Variants in P2RX7 observed in about 807,000 individuals in gnomAD.
The protein encoded by P2RX7 is purinergic receptor P2X 7, also known as P2X purinoceptor 7.
In P2RX7, 62 loss-of-function variants were observed where a neutral mutation model predicts 71.6. The ratio of observed to expected loss-of-function variants is 0.87; its 90% CI spans 0.71 to 1.07. The LOEUF is 1.07. P2RX7 is among the 50% of genes least tolerant of loss of function. The pLI is 0.00. For synonymous variants in P2RX7, 299 were observed against 283.3 expected, an observed-to-expected ratio of 1.06 and a Z score of -0.56; for missense variants, 686 against 748.5, an observed-to-expected ratio of 0.92 and a Z score of 0.97.
At chr12:121,163,360 A>ACACG (rs1555226399) in intron 5 of P2RX7, among the ~76,000 whole-genome samples, 1 of 144,258 alleles carries the variant, frequency 6.9e-6, no homozygotes, top group Non-Finnish European at 1.5e-5. Flanking sequence ...ACACACACGC[A>ACACG]CACACACACA....
At chr12:121,178,859 G>A (rs1593147494) in intron 11 of P2RX7, among the ~76,000 whole-genome samples, 1 of 137,556 alleles carries the variant, frequency 7.3e-6, no homozygotes, top group African/African-American at 2.7e-5. Context: ...TTTGTTAAAA[G>A]AAAAAAAGCA....
chr12:121,168,602 G>T (rs1653610), intron 8 of P2RX7, among the ~76,000 whole-genome samples: 1 of 151,946 alleles, frequency 6.6e-6, no homozygotes, highest in African/African-American at 2.4e-5. Context: ...AGCACTCCCC[G>T]TCGCCATCCC....
intron 1 of P2RX7, among the ~76,000 whole-genome samples, chr12:121,134,752 T>C (rs769837240): frequency 1.3e-5 from 2 of 151,986 alleles, no homozygotes; most frequent in Non-Finnish European, 2.9e-5. Context: ...TTCATTGTGG[T>C]TGTGATTTGA....
intron 1 of P2RX7, among the ~76,000 whole-genome samples, chr12:121,150,332 A>T (rs1440038431): frequency 6.6e-6 from 1 of 152,228 alleles, no homozygotes. Context: ...CTGATCGATC[A>T]TATGTTGCAC....
chr12:121,141,594 T>A lies in P2RX7; in HGVS notation c.125+8499T>A, dbSNP rs2135991137. 2.0e-5 allele frequency among the ~76,000 whole-genome samples: 3 copies of A among 152,324 alleles called. No homozygotes were observed. The South Asian group carries it at 6.2e-4, about 32-fold the overall frequency. ...GAGAGCTGTCCCCCAGCCCCCAGCA[T>A]CTTATTAGAAAATATTGAAACATAA... On this transcript the variant is annotated intron_variant, in intron 1 of 12. Coordinates refer to ENST00000328963, the MANE Select transcript of P2RX7 (RefSeq NM_002562.6).
rs200169969 is a variant in P2RX7, at chr12:121,175,445, C to G, written c.939C>G (p.Phe313Leu). ...AGAAACGGACTCTGATAAAAGTCTT[C>G]GGGATCCGTTTTGACATCCTGGTTT... ...NVEKRTLIKVFGIRFDILVFG... is the reference protein window; with the variant it reads ...NVEKRTLIKVLGIRFDILVFG... Residue 313 changes from phenylalanine to leucine, a missense_variant, in exon 9 of 13, where the codon TTC becomes TTG. Phe to Leu is a conservative substitution (Grantham distance 22). Coordinates refer to ENST00000328963, the MANE Select transcript of P2RX7 (RefSeq NM_002562.6). The G allele has an allele frequency of 1.3e-6, 2 of 1,580,290 alleles. No individual in the cohort carries two copies. The highest frequency in any genetic ancestry group is 4.5e-5 in the East Asian group (2 of 44,726).
intron 1 of P2RX7, among the ~76,000 whole-genome samples, chr12:121,141,110 G>C (rs997128636): frequency 4.6e-5 from 7 of 152,124 alleles, no homozygotes. Flanking sequence ...CATAAATAAA[G>C]GATATCAGGC....
In P2RX7 at chr12:121,149,541, TACTC is replaced by T. The variant is rs1876964946; in HGVS notation, c.126-5240_126-5237del. 6.6e-6 allele frequency among the ~76,000 whole-genome samples: 1 copy of T among 152,116 alleles called. No individual in the cohort carries two copies. Among genetic ancestry groups the T allele is most frequent in the South Asian group, 2.1e-4 (1 of 4,814 alleles). ...TAAAACCATCAGATCCCATGAGACT[TACTC>T]ACTATCACGAGAACAGTATGGGGGA... On this transcript the variant is annotated intron_variant, in intron 1 of 12. Coordinates refer to ENST00000328963, the MANE Select transcript of P2RX7 (RefSeq NM_002562.6). The surrounding 1 kb of genome is among the most constrained non-coding windows in gnomAD (Gnocchi z 4.7).
chr12:121,164,808 A>G (rs1204928512), intron 5 of P2RX7, among the ~76,000 whole-genome samples: 1 of 152,048 alleles, frequency 6.6e-6, no homozygotes, highest in Non-Finnish European at 1.5e-5. Context: ...AAAAATAAAG[A>G]ACTACCTGAG....
chr12:121,149,206 G>A lies in P2RX7; in HGVS notation c.126-5579G>A. On this transcript the variant is annotated intron_variant, in intron 1 of 12. Transcript: ENST00000328963. This position sits in a 1 kb window ranked among gnomAD's most constrained non-coding sequence, Gnocchi z 4.7. The stretch of plus-strand genomic sequence containing the variant: ...GGGCACCTTCATCTCCATCTGGTGG[G>A]TCCAGAGCAAGCAGCCTCAGGGTCC... 2.8e-6 allele frequency: 1 copy of A among 352,628 alleles called. No individual in the cohort carries two copies. The highest frequency in any genetic ancestry group is 5.6e-6 in the Non-Finnish European group (1 of 178,238). 21.8% of individuals were successfully genotyped at this position (352,628 alleles called of 1,614,324 possible).
At chr12:121,177,479 A>G (rs773165277) in intron 11 of P2RX7, 33 bp downstream of exon 11, 3 of 1,604,430 alleles carry the variant, frequency 1.9e-6, no homozygotes, top group Non-Finnish European at 2.6e-6. Context: ...ACACCAAGAC[A>G]TGGAGAGATT....
At position 121,175,492 on chromosome 12, in the gene P2RX7, C is replaced by T; in HGVS notation, c.972+14C>T. On this transcript the variant is annotated intron_variant, in intron 9 of 12. Coordinates refer to ENST00000328963, the MANE Select transcript of P2RX7 (RefSeq NM_002562.6). The stretch of plus-strand genomic sequence containing the variant: ...GTTTTTGGCACCGTAAGTCTCGTTT[C>T]CCAGCTCCGGGCACCGGCATCCTAT... The T allele has an allele frequency of 8.9e-7, 1 of 1,118,580 alleles. No individual in the cohort carries two copies. The highest frequency in any genetic ancestry group is 2.3e-5 in the East Asian group (1 of 42,736). 69.3% of individuals were successfully genotyped at this position (1,118,580 alleles called of 1,614,324 possible).
intron 5 of P2RX7, 104 bp from the exon 6 acceptor site, chr12:121,165,253 C>A: frequency 1.2e-6 from 1 of 832,846 alleles, no homozygotes; most frequent in Non-Finnish European, 2.0e-6. Context: ...CTTCATGTAT[C>A]CCAAAGACCA....
chr12:121,168,285 T>C (rs376731147), intron 8 of P2RX7, among the ~76,000 whole-genome samples: 5 of 90,860 alleles, frequency 5.5e-5, no homozygotes, highest in African/African-American at 9.7e-5. Context: ...CTTTTCTTTT[T>C]TTTTTTTAGA....
intron 11 of P2RX7, among the ~76,000 whole-genome samples, chr12:121,177,934 G>T (rs1479293801): frequency 6.6e-6 from 1 of 151,956 alleles, no homozygotes; most frequent in Admixed American, 6.6e-5. Flanking sequence ...GGCCAGGCTG[G>T]TCTCAAACTC....
intron 8 of P2RX7, among the ~76,000 whole-genome samples, chr12:121,172,799 G>C (rs1224202237): frequency 6.6e-6 from 1 of 152,222 alleles, no homozygotes; most frequent in African/African-American, 2.4e-5. Context: ...CAGGTTTTGA[G>C]AGGTTTTTTA....
chr12:121,168,280 C>CTTTTCT (rs71453539), intron 8 of P2RX7, among the ~76,000 whole-genome samples: 9,024 of 143,160 alleles, frequency 0.063, 308 homozygotes, highest in Non-Finnish European at 0.087. Flanking sequence ...CTTTTCTTTT[C>CTTTTCT]TTTTTTTTTT....
At position 121,184,563 on chromosome 12, in the gene P2RX7, G is replaced by A. The variant is rs200343983; in HGVS notation, c.1549G>A (p.Val517Ile). 1.4e-5 allele frequency: 23 copies of A among 1,614,204 alleles called. No individual in the cohort carries two copies. Among genetic ancestry groups the A allele is most frequent in the Non-Finnish European group, 1.9e-5 (22 of 1,180,044 alleles). The change falls in exon 13 of 13, where the codon GTC becomes ATC. Residue 517 changes from valine to isoleucine, a missense_variant. Coordinates refer to ENST00000328963, the MANE Select transcript of P2RX7 (RefSeq NM_002562.6). Reference protein sequence around the residue: ...ITTSELFRKLVLSRHVLQFLL... With the variant: ...ITTSELFRKLILSRHVLQFLL... ...CACCTCAGAGCTGTTCAGGAAGCTGGTCCTGTCCAGACACGTCCTGCAGTT... is the reference window on the plus strand; with the variant it reads ...CACCTCAGAGCTGTTCAGGAAGCTGATCCTGTCCAGACACGTCCTGCAGTT...
At chr12:121,164,338 A>G (rs983429734) in intron 5 of P2RX7, among the ~76,000 whole-genome samples, 3 of 152,264 alleles carry the variant, frequency 2.0e-5, no homozygotes, top group Non-Finnish European at 4.4e-5. Flanking sequence ...GTAACTACGC[A>G]TAAGAGACTT....
Sources: gnomAD v4.1 joint callset for allele counts (sites outside exome capture counted in the v4.1 genomes callset) on GRCh38, gnomAD v4.1.1 for gene constraint, Gnocchi (gnomAD v3.1) non-coding constraint, MANE v1.5 for transcripts, NCBI Gene and HGNC (gene_info 2026-07-23, HGNC 2026-07-21) for gene names.